Variants in ABCB5 observed in about 807,000 individuals in gnomAD.
The protein encoded by ABCB5 is ATP-binding cassette sub-family B member 5.
A neutral mutation model predicts 144.2 loss-of-function variants in ABCB5; 155 were observed. That is an observed-to-expected ratio of 1.08 (90% CI 0.94 to 1.23). The LOEUF (loss-of-function observed/expected upper bound fraction) is 1.23. Among genes scored for constraint, ABCB5 ranks in the 50% most tolerant of loss-of-function variants. The pLI is 0.00. For missense variants in ABCB5, 1,830 were observed against 1,520.8 expected, an observed-to-expected ratio of 1.20 and a Z score of -3.38; for synonymous variants, 610 against 528.6, an observed-to-expected ratio of 1.15 and a Z score of -2.11.
chr7:20,660,305 TGG>T, intron 14 of ABCB5: 1 of 985,004 alleles, frequency 1.0e-6, no homozygotes, highest in South Asian at 4.7e-5. Flanking sequence ...GGCATAATTA[TGG>T]GGGAATTTAA....
At chr7:20,720,463 C>T (rs1377417950) in intron 20 of ABCB5, among the ~76,000 whole-genome samples, 3 of 152,064 alleles carry the variant, frequency 2.0e-5, no homozygotes, top group Non-Finnish European at 4.4e-5. Context: ...GTGAACAATG[C>T]CTGGAATGGG....
chr7:20,745,063 C>T (rs2128055900), intron 25 of ABCB5, among the ~76,000 whole-genome samples, 169 bp from the exon 26 acceptor site: 1 of 152,294 alleles, frequency 6.6e-6, no homozygotes, highest in South Asian at 2.1e-4. Context: ...ACGCTGTTTG[C>T]TTCTATACAA....
At chr7:20,668,063 G>C (rs1308192627) in intron 14 of ABCB5, among the ~76,000 whole-genome samples, 14 of 94,410 alleles carry the variant, frequency 1.5e-4, no homozygotes, top group African/African-American at 6.5e-4. Flanking sequence ...GCGTGATCTC[G>C]GCTCGCTACA....
chr7:20,649,713 C>T (rs1448919195), intron 11 of ABCB5, among the ~76,000 whole-genome samples: 1 of 152,192 alleles, frequency 6.6e-6, no homozygotes, highest in Non-Finnish European at 1.5e-5. Flanking sequence ...TTAAGACTTT[C>T]ATTAACTTGA....
intron 2 of ABCB5, among the ~76,000 whole-genome samples, chr7:20,625,671 T>G (rs1783893030): frequency 6.6e-6 from 1 of 152,180 alleles, no homozygotes; most frequent in South Asian, 2.1e-4. Flanking sequence ...TTGGTGAGGA[T>G]ATAGAGAAAC....
rs1403491789 is a variant in ABCB5, at chr7:20,755,993, G to A, written c.*369G>A. 3.9e-6 allele frequency: 1 copy of A among 254,864 alleles called. No homozygotes were observed. Among genetic ancestry groups the A allele is most frequent in the African/African-American group, 2.3e-5 (1 of 44,112 alleles). The allele number at this position is 254,864 out of a possible 1,614,324, so 15.8% of individuals were successfully genotyped here. The stretch of plus-strand genomic sequence containing the variant: ...TAACCATGTTGAAGGTTTTAGCAAA[G>A]GCAGTGTAAGATAGAGTGGGGCCTG... On this transcript the variant is annotated 3_prime_UTR_variant, in exon 28 of 28. Transcript: ENST00000404938.
chr7:20,700,125 T>A lies in ABCB5; in HGVS notation c.2327T>A (p.Met776Lys). ...TTAAGACACTTGGCCTTCAAAGCCA[T>A]GTTATATCAGGTCAGTGATAAGTTG... is the stretch of plus-strand genomic sequence containing the variant. ...MRLRHLAFKA[M>K]LYQDIAWFDE... Residue 776 changes from methionine (M) to lysine (K), a missense_variant, in exon 19 of 28, where the codon ATG becomes AAG. Coordinates refer to ENST00000404938, the MANE Select transcript of ABCB5 (RefSeq NM_001163941.2). 6.2e-7 allele frequency: 1 copy of A among 1,610,930 alleles called. No homozygotes were observed.
At chr7:20,658,911 C>A (rs888043691) in intron 14 of ABCB5, among the ~76,000 whole-genome samples, 2 of 152,146 alleles carry the variant, frequency 1.3e-5, no homozygotes, top group Non-Finnish European at 2.9e-5. Flanking sequence ...GATACACAAG[C>A]AATCATCCAG....
chr7:20,645,132 G>A (rs189905003), intron 7 of ABCB5, among the ~76,000 whole-genome samples: 66 of 152,344 alleles, frequency 4.3e-4, no homozygotes, highest in African/African-American at 1.5e-3. Flanking sequence ...CAAAGGATGC[G>A]ATACCAGAGT....
At chr7:20,666,675 C>A in intron 14 of ABCB5, 4 of 1,505,360 alleles carry the variant, frequency 2.7e-6, no homozygotes, top group Non-Finnish European at 3.5e-6. Flanking sequence ...GGTCAAATAC[C>A]TAATTGTTTG....
intron 19 of ABCB5, among the ~76,000 whole-genome samples, chr7:20,700,649 G>T (rs1033643999): frequency 6.6e-6 from 1 of 152,228 alleles, no homozygotes; most frequent in Non-Finnish European, 1.5e-5. Flanking sequence ...GCCTCACGCA[G>T]ATGATCAGTC....
At chr7:20,621,464 T>C (rs962724482) in intron 1 of ABCB5, among the ~76,000 whole-genome samples, 10 of 152,152 alleles carry the variant, frequency 6.6e-5, no homozygotes, top group Admixed American at 5.9e-4. Context: ...GTGCCTATGC[T>C]GCTGCTCTTG....
intron 16 of ABCB5, among the ~76,000 whole-genome samples, chr7:20,688,282 C>G (rs747243147): frequency 9.9e-5 from 15 of 152,232 alleles, no homozygotes; most frequent in Middle Eastern, 3.4e-3. Flanking sequence ...TATTTTAGAA[C>G]AGAGTTAATG....
At chr7:20,719,117 A>G (rs1781779679) in intron 20 of ABCB5, among the ~76,000 whole-genome samples, 1 of 152,212 alleles carries the variant, frequency 6.6e-6, no homozygotes, top group Non-Finnish European at 1.5e-5. Flanking sequence ...TATGTCTAGA[A>G]GCATGTAGAT....
At chr7:20,712,908 A>G (rs1252784936) in intron 20 of ABCB5, among the ~76,000 whole-genome samples, 1 of 149,764 alleles carries the variant, frequency 6.7e-6, no homozygotes, top group Non-Finnish European at 1.5e-5. Context: ...GTGTGGTGAG[A>G]ACACTTCAAA....
intron 14 of ABCB5, among the ~76,000 whole-genome samples, chr7:20,665,760 TAG>T (rs113676764): frequency 1.4e-5 from 2 of 138,094 alleles, no homozygotes; most frequent in Non-Finnish European, 3.1e-5. Context: ...GATAGATAGA[TAG>T]ATAGAGATAC....
chr7:20,708,880 G>A (rs564794730), intron 20 of ABCB5, among the ~76,000 whole-genome samples: 6 of 152,078 alleles, frequency 3.9e-5, no homozygotes, highest in Non-Finnish European at 7.4e-5. Flanking sequence ...ACTTTGGATT[G>A]TACTTATTTT....
Position 20,647,571 on chromosome 7 carries a change from G to T in ABCB5, c.1018G>T (p.Gly340Ter). The stretch of plus-strand genomic sequence containing the variant: ...TGTAATCCATAGCAGTTATTGCATT[G>T]GAGCAGCAGTCCCTCACTTTGAAAC... ...FSVIHSSYCI[G>*]AAVPHFETFA... The change falls in exon 10 of 28, where the codon GGA (glycine) becomes TGA (stop). Residue 340 changes from glycine to a stop codon, truncating the protein, a stop_gained. Coordinates refer to ENST00000404938, the MANE Select transcript of ABCB5 (RefSeq NM_001163941.2). LOFTEE classifies it high-confidence loss of function. The T allele has an allele frequency of 6.3e-7, 1 of 1,588,044 alleles. No homozygotes were observed. The highest frequency in any genetic ancestry group is 8.6e-7 in the Non-Finnish European group (1 of 1,166,162).
In ABCB5 at chr7:20,662,799, C is replaced by T. The variant is rs918515549; in HGVS notation, c.1707+4123C>T. ...TCCTTCTCCTTTGATAGATCAGGGC[C>T]CCTTTGAGAATCTGATTGAGAAAGG... On this transcript the variant is annotated intron_variant, in intron 14 of 27. Coordinates refer to ENST00000404938, the MANE Select transcript of ABCB5 (RefSeq NM_001163941.2). Among the ~76,000 whole-genome samples, 4 of 151,442 alleles carry T rather than the reference C, an allele frequency of 2.6e-5. No homozygotes were observed. The South Asian group carries it at 8.3e-4, about 31-fold the overall frequency.
Sources: gnomAD v4.1 joint callset for allele counts (sites outside exome capture counted in the v4.1 genomes callset) on GRCh38, gnomAD v4.1.1 for gene constraint, MANE v1.5 for transcripts, NCBI Gene and HGNC (gene_info 2026-07-23, HGNC 2026-07-21) for gene names.